Variants in CEP112 observed in about 807,000 individuals in gnomAD.
The protein encoded by CEP112 is centrosomal protein of 112 kDa.
Under a neutral mutation model 153.0 loss-of-function variants are expected in CEP112, and 127 were observed. The observed-to-expected ratio is 0.83, with a 90% confidence interval of 0.72 to 0.96. The LOEUF (loss-of-function observed/expected upper bound fraction) is 0.96. Ranked by LOEUF, CEP112 falls within the 40% of genes least tolerant of loss-of-function variation. CEP112 has a pLI of 0.00. For missense variants in CEP112, 1,089 were observed against 1,101.2 expected (o/e 0.99, Z 0.16); for synonymous variants, 358 against 374.4 (o/e 0.96, Z 0.51).
chr17:66,073,362 C>G (rs2067369843), intron 8 of CEP112, among the ~76,000 whole-genome samples: 1 of 152,158 alleles, frequency 6.6e-6, no homozygotes, highest in Non-Finnish European at 1.5e-5. Flanking sequence ...AAGCAGAGGT[C>G]AGAGTTCTGA....
intron 21 of CEP112, among the ~76,000 whole-genome samples, chr17:65,820,702 C>T (rs1213160336): frequency 6.6e-6 from 1 of 152,036 alleles, no homozygotes; most frequent in Non-Finnish European, 1.5e-5. Context: ...CTTCCTTCAA[C>T]TTCATAAGGT....
intron 6 of CEP112, among the ~76,000 whole-genome samples, chr17:66,110,566 C>T (rs1366174725): frequency 1.3e-5 from 2 of 151,162 alleles, no homozygotes; most frequent in African/African-American, 2.4e-5. Flanking sequence ...TAATAAATTC[C>T]CAATGGATTC....
intron 4 of CEP112, among the ~76,000 whole-genome samples, chr17:66,146,494 T>C (rs1189625400): frequency 7.2e-5 from 11 of 152,114 alleles, no homozygotes; most frequent in Admixed American, 5.9e-4. Context: ...TTAAAATGTT[T>C]TATTATCAAT....
intron 21 of CEP112, among the ~76,000 whole-genome samples, chr17:65,821,786 A>G (rs2056599176): frequency 1.3e-5 from 2 of 151,062 alleles, no homozygotes; most frequent in Non-Finnish European, 2.9e-5. Context: ...TCCTGACTTC[A>G]GGTGATCCAC....
chr17:66,132,654 T>C lies in CEP112; in HGVS notation c.564+16A>G. The stretch of plus-strand genomic sequence containing the variant: ...ACAACAAGCAAAAACCAAACAAAAG[T>C]AAAATCTAATCTTACACAAATCTTT... On this transcript the variant is annotated intron_variant, in intron 5 of 26. Coordinates refer to ENST00000535342, the MANE Select transcript of CEP112 (RefSeq NM_001199165.4). 1 of 1,581,170 alleles carries C rather than the reference T, an allele frequency of 6.3e-7. No homozygotes were observed. Among genetic ancestry groups the C allele is most frequent in the Non-Finnish European group, 8.7e-7 (1 of 1,150,590 alleles).
chr17:66,175,946 T>C (rs1342239346), intron 3 of CEP112, among the ~76,000 whole-genome samples: 1 of 152,148 alleles, frequency 6.6e-6, no homozygotes, highest in Non-Finnish European at 1.5e-5. Context: ...ACAGACAGAA[T>C]CCTCAAGGCA....
intron 23 of CEP112, among the ~76,000 whole-genome samples, chr17:65,720,702 A>C (rs528981092): frequency 6.6e-6 from 1 of 152,324 alleles, no homozygotes; most frequent in African/African-American, 2.4e-5. Flanking sequence ...GTTACACTTG[A>C]ACATATCTCA....
At chr17:65,892,113 C>T (rs2059488829) in intron 20 of CEP112, among the ~76,000 whole-genome samples, 1 of 152,152 alleles carries the variant, frequency 6.6e-6, no homozygotes, top group African/African-American at 2.4e-5. Flanking sequence ...CCCTTACGGC[C>T]ATATAGGCCA....
chr17:65,793,387 C>G (rs997870164), intron 21 of CEP112, among the ~76,000 whole-genome samples: 1 of 152,112 alleles, frequency 6.6e-6, no homozygotes, highest in Admixed American at 6.6e-5. Flanking sequence ...CTAATGGATG[C>G]TGGGCTTAAT....
At chr17:65,943,277 T>G (rs1212747529) in intron 18 of CEP112, among the ~76,000 whole-genome samples, 1 of 152,188 alleles carries the variant, frequency 6.6e-6, no homozygotes, top group African/African-American at 2.4e-5. Context: ...TCAGTTGATA[T>G]AAGAAAGACA....
chr17:66,104,973 C>G (rs181482446), intron 6 of CEP112, among the ~76,000 whole-genome samples: 15 of 152,202 alleles, frequency 9.9e-5, no homozygotes, highest in African/African-American at 3.4e-4. Flanking sequence ...AAGTATTATA[C>G]TTAGTAAAGT....
At position 66,118,789 on chromosome 17, in the gene CEP112, A is replaced by G. The variant is rs528467542; in HGVS notation, c.642+10957T>C. Among the ~76,000 whole-genome samples the G allele has an allele frequency of 4.1e-4, 62 of 152,228 alleles. 1 individual carries two copies. The highest frequency in any genetic ancestry group is 2.5e-4 in the Non-Finnish European group (17 of 68,040). On this transcript the variant is annotated intron_variant, in intron 6 of 26. Transcript: ENST00000535342. ...ATATCTCAATTACTCTGATTTGATT[A>G]TAACACATGGTATGCTTGTATCAAA...
chr17:66,020,676 A>G (rs2064967304), intron 16 of CEP112, among the ~76,000 whole-genome samples: 2 of 152,254 alleles, frequency 1.3e-5, no homozygotes. Flanking sequence ...TTTTACAAGT[A>G]GATTGACTTG....
intron 24 of CEP112, among the ~76,000 whole-genome samples, chr17:65,656,780 A>G (rs1287301466): frequency 6.6e-6 from 1 of 152,186 alleles, no homozygotes; most frequent in Non-Finnish European, 1.5e-5. Context: ...AGCATTTAGC[A>G]TGGTGCCTGG....
intron 24 of CEP112, among the ~76,000 whole-genome samples, chr17:65,681,766 C>T (rs1237520304): frequency 6.6e-6 from 1 of 151,184 alleles, no homozygotes; most frequent in Non-Finnish European, 1.5e-5. Flanking sequence ...CTCTGCCTCC[C>T]TGGCTCAAGG....
At position 65,825,388 on chromosome 17, in the gene CEP112, G is replaced by A. The variant is rs540823810; in HGVS notation, c.2394+26416C>T. On this transcript the variant is annotated intron_variant, in intron 21 of 26. Transcript: ENST00000535342. Reference sequence around the variant, plus strand: ...CAGTTCCACCTCAGATCATCAGGAAGTAGCTCACCTGCCACTCACCTCCTG... The same window carrying A: ...CAGTTCCACCTCAGATCATCAGGAAATAGCTCACCTGCCACTCACCTCCTG... Among the ~76,000 whole-genome samples the A allele has an allele frequency of 2.6e-5, 4 of 152,276 alleles. No individual in the cohort carries two copies. The South Asian group carries it at 8.3e-4, about 32-fold the overall frequency.
chr17:65,989,130 G>C (rs899986911), intron 17 of CEP112, among the ~76,000 whole-genome samples: 1 of 151,342 alleles, frequency 6.6e-6, no homozygotes, highest in Admixed American at 6.6e-5. Flanking sequence ...AGCTACTTGG[G>C]AGGCTGAGGC....
rs113995859 is a variant in CEP112 at position 65,758,926 on chromosome 17, G to A, written c.2395-8202C>T. Among the ~76,000 whole-genome samples, 251 of 152,218 alleles carry A rather than the reference G, an allele frequency of 1.6e-3. 1 individual carries two copies. Among genetic ancestry groups the A allele is most frequent in the African/African-American group, 5.5e-3 (230 of 41,532 alleles). On this transcript the variant is annotated intron_variant, in intron 21 of 26. Transcript: ENST00000535342. ...GAATAGGGGATGGGTAAAATGAGGC[G>A]GAGACCTACTGAGCTACATTCCCAG...
In CEP112 at chr17:66,176,823, T is replaced by C. The variant is rs768175583; in HGVS notation, c.297+7A>G. The C allele has an allele frequency of 8.8e-6, 14 of 1,594,474 alleles. No homozygotes were observed. The highest frequency in any genetic ancestry group is 1.1e-5 in the Non-Finnish European group (13 of 1,171,732). On this transcript the variant is annotated splice_region_variant and intron_variant, in intron 3 of 26. Transcript: ENST00000535342. ...CTAATATATACCTTTTGTTCATTGA[T>C]ACCTACCATGTATGAAGGTAGAATT...
Sources: allele counts gnomAD v4.1 joint callset (sites outside exome capture counted in the v4.1 genomes callset), GRCh38; gene constraint gnomAD v4.1.1; transcripts MANE v1.5; gene names NCBI Gene and HGNC (gene_info 2026-07-23, HGNC 2026-07-21).